Variants in CUL2 observed in about 807,000 individuals in gnomAD.
CUL2 encodes the protein cullin-2.
Under a neutral mutation model 110.2 loss-of-function variants are expected in CUL2, and 22 were observed. That is an observed-to-expected ratio of 0.20 (90% confidence interval 0.14 to 0.28). The LOEUF is 0.28. Ranked by LOEUF, CUL2 falls within the 10% of genes least tolerant of loss-of-function variation. The pLI is 1.00. For synonymous variants in CUL2, 279 were observed against 293.2 expected (o/e 0.95, Z 0.49); for missense variants, 631 against 905.5 (o/e 0.70, Z 3.89).
chr10:35,038,826 A>G (rs948236023), intron 9 of CUL2, 94 bp downstream of exon 9: 8 of 684,696 alleles, frequency 1.2e-5, no homozygotes, highest in Non-Finnish European at 1.9e-5. Flanking sequence ...TTTAAAGACT[A>G]TTACTAAAAT....
At chr10:35,069,289 A>G (rs1467209072) in intron 2 of CUL2, among the ~76,000 whole-genome samples, 1 of 152,122 alleles carries the variant, frequency 6.6e-6, no homozygotes, top group African/African-American at 2.4e-5. Context: ...CTGTAATCCT[A>G]GCACTTTGGG....
intron 19 of CUL2, among the ~76,000 whole-genome samples, chr10:35,012,977 G>C (rs940843703): frequency 2.6e-5 from 4 of 152,152 alleles, no homozygotes; most frequent in Non-Finnish European, 2.9e-5. Context: ...ATTTGAACAA[G>C]ATGCCCAGGT....
intron 2 of CUL2, among the ~76,000 whole-genome samples, chr10:35,063,614 C>T (rs1040089022): frequency 2.0e-5 from 3 of 152,080 alleles, no homozygotes; most frequent in Non-Finnish European, 4.4e-5. Context: ...AGTTTCTGAA[C>T]ATCAACTAAG....
At chr10:35,086,303 C>A (rs925564763) in intron 1 of CUL2, among the ~76,000 whole-genome samples, 2 of 152,110 alleles carry the variant, frequency 1.3e-5, no homozygotes, top group Non-Finnish European at 2.9e-5. Flanking sequence ...TCGAGACCAG[C>A]CTGGGCAACA....
rs111437395 is a variant in CUL2, at chr10:35,039,746, T to C, written c.715-664A>G. The stretch of plus-strand genomic sequence containing the variant: ...CGGGCATGCCTGTAATCCCAGCTCC[T>C]TGGGAGGCCAGGGCAAGAGAATCAC... On this transcript the variant is annotated intron_variant, in intron 8 of 20. Coordinates refer to ENST00000374749, the MANE Select transcript of CUL2 (RefSeq NM_003591.4). Among the ~76,000 whole-genome samples, 171 of 152,104 alleles carry C rather than the reference T, an allele frequency of 1.1e-3. 1 individual carries two copies. Among genetic ancestry groups the C allele is most frequent in the African/African-American group, 3.6e-3 (148 of 41,494 alleles).
intron 1 of CUL2, among the ~76,000 whole-genome samples, chr10:35,111,436 T>C (rs576045592): frequency 5.9e-5 from 9 of 152,068 alleles, no homozygotes; most frequent in Non-Finnish European, 1.0e-4. Flanking sequence ...TATTCATTCT[T>C]TTTATAGAGA....
intron 1 of CUL2, among the ~76,000 whole-genome samples, chr10:35,080,825 G>T (rs951959185): frequency 2.0e-5 from 3 of 152,148 alleles, no homozygotes; most frequent in Non-Finnish European, 4.4e-5. Context: ...CATATGGTGT[G>T]TGCCAAAATG....
At chr10:35,032,759 TA>T (rs763964304) in intron 11 of CUL2, among the ~76,000 whole-genome samples, 8 of 151,546 alleles carry the variant, frequency 5.3e-5, no homozygotes, top group African/African-American at 1.2e-4. Context: ...TAACGTTACT[TA>T]AAAAAAAACT....
chr10:35,057,251 C>T (rs1197769754), intron 4 of CUL2, among the ~76,000 whole-genome samples: 1 of 152,178 alleles, frequency 6.6e-6, no homozygotes, highest in Non-Finnish European at 1.5e-5. Context: ...AAAGACAAAC[C>T]AGTATTATCT....
At chr10:35,044,422 T>C in intron 8 of CUL2, 144 bp downstream of exon 8, 1 of 544,386 alleles carries the variant, frequency 1.8e-6, no homozygotes. Context: ...ATAATAACTG[T>C]AACTCAGAGT....
intron 5 of CUL2, among the ~76,000 whole-genome samples, chr10:35,052,671 G>A (rs879261664): frequency 1.4e-4 from 22 of 152,182 alleles, no homozygotes; most frequent in South Asian, 4.1e-4. Context: ...GGAGGCAGGC[G>A]GATCACAAGG....
intron 5 of CUL2, among the ~76,000 whole-genome samples, chr10:35,054,037 G>T (rs1356624460): frequency 6.6e-6 from 1 of 151,966 alleles, no homozygotes; most frequent in Non-Finnish European, 1.5e-5. Context: ...GTTTCACTCT[G>T]AATTTAATTA....
intron 4 of CUL2, among the ~76,000 whole-genome samples, chr10:35,055,321 T>A (rs1449841465): frequency 6.6e-6 from 1 of 152,204 alleles, no homozygotes; most frequent in Non-Finnish European, 1.5e-5. Context: ...AATCTATACA[T>A]GAATATATAC....
At chr10:35,107,881 C>CA (rs56140666) in intron 1 of CUL2, among the ~76,000 whole-genome samples, 5 of 42,138 alleles carry the variant, frequency 1.2e-4, no homozygotes, top group South Asian at 1.4e-3. Context: ...GACTCCATCT[C>CA]AAAAAAAAAA....
At chr10:35,034,030 G>A (rs1385354617) in intron 10 of CUL2, among the ~76,000 whole-genome samples, 1 of 152,196 alleles carries the variant, frequency 6.6e-6, no homozygotes, top group East Asian at 1.9e-4. Flanking sequence ...CTTGAACTCG[G>A]CAAGACAATC....
chr10:35,113,494 G>A (rs1304245364), intron 1 of CUL2, among the ~76,000 whole-genome samples: 1 of 54,430 alleles, frequency 1.8e-5, no homozygotes, highest in East Asian at 6.4e-4. Flanking sequence ...GCAAGACTCT[G>A]CCTCAAAAAA....
intron 2 of CUL2, among the ~76,000 whole-genome samples, chr10:35,070,213 T>C (rs762208237): frequency 3.3e-5 from 5 of 152,178 alleles, no homozygotes; most frequent in Non-Finnish European, 5.9e-5. Context: ...TTTTCAAACT[T>C]TGAAGCCTTC....
chr10:35,082,239 A>C (rs1255740330), intron 1 of CUL2, among the ~76,000 whole-genome samples: 4 of 152,230 alleles, frequency 2.6e-5, no homozygotes, highest in Admixed American at 6.5e-5. Flanking sequence ...GTTCCGATAT[A>C]TGCTACGACA....
Position 35,031,174 on chromosome 10 carries a change from G to T in CUL2, c.1386+126C>A. The T allele has an allele frequency of 3.3e-6, 2 of 604,680 alleles. No individual in the cohort carries two copies. The highest frequency in any genetic ancestry group is 1.8e-5 in the African/African-American group (1 of 54,316). The allele number at this position is 604,680 out of a possible 1,614,324, so 37.5% of individuals were successfully genotyped here. On this transcript the variant is annotated intron_variant, in intron 14 of 20. Transcript: ENST00000374749. The surrounding 1 kb of genome is among the most constrained non-coding windows in gnomAD (Gnocchi z 4.4). ...ACAGTATTTGTATATCCCACTGTGT[G>T]ACTACACAAATACACATTTAACCAG...
Sources: gnomAD v4.1 joint callset for allele counts (sites outside exome capture counted in the v4.1 genomes callset) on GRCh38, gnomAD v4.1.1 for gene constraint, Gnocchi (gnomAD v3.1) non-coding constraint, MANE v1.5 for transcripts, NCBI Gene and HGNC (gene_info 2026-07-23, HGNC 2026-07-21) for gene names.